THRB: variants seen among roughly 807,000 people sequenced by gnomAD.
THRB encodes the protein nuclear receptor subfamily 1 group A member 2.
A neutral mutation model predicts 47.8 loss-of-function variants in THRB; 12 were observed. The observed-to-expected ratio is 0.25, with a 90% CI of 0.16 to 0.41. The LOEUF (loss-of-function observed/expected upper bound fraction) is 0.41. Ranked by LOEUF, THRB falls within the 10% of genes least tolerant of loss-of-function variation. The pLI is 1.00. For missense variants in THRB, 348 were observed against 589.2 expected (o/e 0.59, Z 4.24); for synonymous variants, 218 against 212.2 (o/e 1.03, Z -0.24).
chr3:24,402,626 A>G (rs2067508742), intron 1 of THRB, among the ~76,000 whole-genome samples: 1 of 151,922 alleles, frequency 6.6e-6, no homozygotes. Context: ...TCAATTAAAC[A>G]CAATTAGGAT....
chr3:24,448,357 A>C, intron 1 of THRB, among the ~76,000 whole-genome samples: 1 of 152,222 alleles, frequency 6.6e-6, no homozygotes, highest in East Asian at 1.9e-4. Context: ...AAAAATGATT[A>C]CTGCTCAACT....
At chr3:24,190,448 A>T in intron 4 of THRB, 114 bp from the exon 5 acceptor site, 1 of 1,309,348 alleles carries the variant, frequency 7.6e-7, no homozygotes, top group Non-Finnish European at 1.1e-6. Flanking sequence ...GACAGTATTC[A>T]CATGCCACTT....
chr3:24,218,545 GTTT>G (rs138653166), intron 4 of THRB, among the ~76,000 whole-genome samples: 1 of 148,076 alleles, frequency 6.8e-6, no homozygotes. Flanking sequence ...ATTTACATTT[GTTT>G]TTTTTTTCCA....
At chr3:24,190,544 C>T (rs13096529) in intron 4 of THRB, among the ~76,000 whole-genome samples, 22,738 of 152,032 alleles carry the variant, frequency 0.15, 1,913 homozygotes, top group Non-Finnish European at 0.19. Context: ...TCAACACATT[C>T]CCCCTTATTT....
chr3:24,271,262 G>A (rs1451686016), intron 3 of THRB, among the ~76,000 whole-genome samples: 3 of 152,028 alleles, frequency 2.0e-5, no homozygotes, highest in African/African-American at 7.2e-5. Context: ...GTATGCATGC[G>A]GCTTATGAAA....
intron 1 of THRB, among the ~76,000 whole-genome samples, chr3:24,429,472 ATAGT>A (rs1273865654): frequency 2.0e-5 from 3 of 152,000 alleles, no homozygotes; most frequent in Non-Finnish European, 4.4e-5. Flanking sequence ...GAATTGGACA[ATAGT>A]TAATTAATTA....
At chr3:24,196,833 T>C (rs993909097) in intron 4 of THRB, among the ~76,000 whole-genome samples, 3 of 152,264 alleles carry the variant, frequency 2.0e-5, no homozygotes, top group Non-Finnish European at 2.9e-5. Flanking sequence ...TCATTTTATC[T>C]GGCTTGATTA....
chr3:24,369,675 C>T (rs2064762995), intron 1 of THRB, among the ~76,000 whole-genome samples: 3 of 152,186 alleles, frequency 2.0e-5, no homozygotes, highest in Admixed American at 6.6e-5. Context: ...AAACATTTCA[C>T]CACCAGTGCA....
intron 3 of THRB, among the ~76,000 whole-genome samples, chr3:24,248,486 G>A (rs1415039661): frequency 6.6e-6 from 1 of 151,642 alleles, no homozygotes; most frequent in African/African-American, 2.4e-5. Flanking sequence ...AAAGCTGGGT[G>A]CTAGTTTGTT....
intron 3 of THRB, among the ~76,000 whole-genome samples, chr3:24,296,114 T>G (rs1222249505): frequency 6.6e-6 from 1 of 152,218 alleles, no homozygotes; most frequent in Non-Finnish European, 1.5e-5. Context: ...CCAGTCTTTT[T>G]ATTTTACTTA....
intron 4 of THRB, among the ~76,000 whole-genome samples, chr3:24,222,684 C>T (rs2150021056): frequency 6.6e-6 from 1 of 152,294 alleles, no homozygotes; most frequent in East Asian, 1.9e-4. Flanking sequence ...TTCTAGCCTA[C>T]TTGCAGTGAG....
At chr3:24,308,536 A>G (rs1211748858) in intron 2 of THRB, among the ~76,000 whole-genome samples, 4 of 152,232 alleles carry the variant, frequency 2.6e-5, no homozygotes, top group Non-Finnish European at 5.9e-5. Context: ...TGTTATAAAA[A>G]CAAATAGAGA....
At chr3:24,196,213 T>G (rs1026413522) in intron 4 of THRB, among the ~76,000 whole-genome samples, 1 of 152,136 alleles carries the variant, frequency 6.6e-6, no homozygotes, top group Admixed American at 6.6e-5. Context: ...CTTCTATAGT[T>G]CAGTTAAAGT....
chr3:24,194,986 A>C (rs2043792850), intron 4 of THRB, among the ~76,000 whole-genome samples: 3 of 152,194 alleles, frequency 2.0e-5, no homozygotes, highest in Admixed American at 2.0e-4. Flanking sequence ...TGCAAACCAT[A>C]TTCTGCATTA....
chr3:24,307,382 T>C (rs1045792447), intron 2 of THRB, among the ~76,000 whole-genome samples: 2 of 152,162 alleles, frequency 1.3e-5, no homozygotes, highest in African/African-American at 4.8e-5. Flanking sequence ...TTTAGTTTTT[T>C]ATGCATCTGT....
At chr3:24,196,593 C>G (rs988875271) in intron 4 of THRB, among the ~76,000 whole-genome samples, 10 of 152,038 alleles carry the variant, frequency 6.6e-5, no homozygotes, top group Non-Finnish European at 1.3e-4. Flanking sequence ...GCATTCCCCC[C>G]ACCCCAAAAA....
At chr3:24,367,281 G>C (rs1181476882) in intron 1 of THRB, among the ~76,000 whole-genome samples, 1 of 152,200 alleles carries the variant, frequency 6.6e-6, no homozygotes, top group Non-Finnish European at 1.5e-5. Flanking sequence ...TTCAAAGTCA[G>C]ACTGGTGGTT....
At chr3:24,291,683 T>A (rs1437623661) in intron 3 of THRB, among the ~76,000 whole-genome samples, 1 of 152,166 alleles carries the variant, frequency 6.6e-6, no homozygotes. Flanking sequence ...ATATTTTCAA[T>A]CCATAGTTGG....
intron 10 of THRB, 87 bp downstream of exon 10, chr3:24,127,412 G>A: frequency 7.1e-7 from 1 of 1,409,752 alleles, no homozygotes; most frequent in Non-Finnish European, 1.0e-6. Context: ...TGAAGCTAAA[G>A]GGGGACTGAA....
Sources: allele counts gnomAD v4.1 joint callset (sites outside exome capture counted in the v4.1 genomes callset), GRCh38; gene constraint gnomAD v4.1.1; transcripts MANE v1.5; gene names NCBI Gene and HGNC (gene_info 2026-07-23, HGNC 2026-07-21).